The following NRXN1 variants were observed in gnomAD, a reference collection of about 807,000 sequenced individuals.
The protein encoded by NRXN1 is neurexin-1.
A neutral mutation model predicts 150.9 loss-of-function variants in NRXN1; 39 were observed. The observed-to-expected ratio is 0.26, with a 90% confidence interval of 0.20 to 0.34. NRXN1 has a LOEUF of 0.34. Among genes scored for constraint, NRXN1 ranks in the 10% least tolerant of loss-of-function variants. The pLI is 1.00. For synonymous variants in NRXN1, 924 were observed against 757.0 expected, an observed-to-expected ratio of 1.22 and a Z score of -3.62; for missense variants, 1,815 against 1,949.9, an observed-to-expected ratio of 0.93 and a Z score of 1.30.
chr2:50,563,707 T>C (rs1247673595), intron 8 of NRXN1, among the ~76,000 whole-genome samples: 1 of 152,202 alleles, frequency 6.6e-6, no homozygotes, highest in African/African-American at 2.4e-5. Flanking sequence ...GACTGTTTAA[T>C]TTATTGGTTT....
chr2:50,034,149 C>G (rs781646737), intron 21 of NRXN1, among the ~76,000 whole-genome samples: 1 of 152,062 alleles, frequency 6.6e-6, no homozygotes, highest in African/African-American at 2.4e-5. Flanking sequence ...TGAGTATATA[C>G]CCAAAGGAAT....
chr2:50,251,014 T>C (rs1263361399), intron 17 of NRXN1, among the ~76,000 whole-genome samples: 3 of 49,608 alleles, frequency 6.0e-5, no homozygotes, highest in Non-Finnish European at 1.3e-4. Context: ...ATATGTGTAA[T>C]ATTACATATT....
At chr2:50,986,758 C>T (rs764742601) in intron 2 of NRXN1, among the ~76,000 whole-genome samples, 18 of 150,596 alleles carry the variant, frequency 1.2e-4, no homozygotes, top group East Asian at 2.0e-4. Context: ...TCCAAAAAAT[C>T]GAGATAGTGC....
intron 17 of NRXN1, among the ~76,000 whole-genome samples, chr2:50,351,972 C>G (rs1297242155): frequency 6.6e-6 from 1 of 152,098 alleles, no homozygotes; most frequent in Non-Finnish European, 1.5e-5. Flanking sequence ...AGAAGTTGGT[C>G]TTGGTGTTGA....
intron 12 of NRXN1, among the ~76,000 whole-genome samples, chr2:50,526,148 C>A (rs1479004555): frequency 1.3e-5 from 2 of 151,744 alleles, no homozygotes; most frequent in Non-Finnish European, 2.9e-5. Context: ...TAGGAAACAG[C>A]AGCACAATTT....
chr2:50,641,211 T>C (rs924227796), intron 5 of NRXN1, among the ~76,000 whole-genome samples: 2 of 152,172 alleles, frequency 1.3e-5, no homozygotes, highest in African/African-American at 4.8e-5. Flanking sequence ...AAGCCAAATG[T>C]TGACTAAAAG....
intron 12 of NRXN1, among the ~76,000 whole-genome samples, chr2:50,512,077 A>C (rs1412802999): frequency 3.3e-5 from 5 of 152,132 alleles, no homozygotes; most frequent in Non-Finnish European, 7.3e-5. Context: ...ATATAAAAGC[A>C]TATTAAAAAA....
At chr2:50,923,515 C>T (rs1279095159) in intron 3 of NRXN1, 2 of 222,150 alleles carry the variant, frequency 9.0e-6, no homozygotes, top group Non-Finnish European at 1.9e-5. Flanking sequence ...CTTGACAATT[C>T]ACTTCAAACT....
At chr2:50,822,539 C>A (rs1184914100) in intron 5 of NRXN1, among the ~76,000 whole-genome samples, 1 of 152,102 alleles carries the variant, frequency 6.6e-6, no homozygotes, top group Non-Finnish European at 1.5e-5. Context: ...GCCTATAGAT[C>A]CTTTAATGAC....
chr2:50,928,728 G>A (rs572472854), intron 2 of NRXN1, among the ~76,000 whole-genome samples: 1 of 152,106 alleles, frequency 6.6e-6, no homozygotes, highest in East Asian at 1.9e-4. Flanking sequence ...AGCATATTTT[G>A]GTTTAGTGTA....
At chr2:50,768,241 G>T (rs1386656455) in intron 5 of NRXN1, among the ~76,000 whole-genome samples, 2 of 151,970 alleles carry the variant, frequency 1.3e-5, no homozygotes, top group Non-Finnish European at 2.9e-5. Flanking sequence ...GAAGTATGTG[G>T]GATATTTTAA....
chr2:50,573,779 A>G (rs1475922343), intron 8 of NRXN1, among the ~76,000 whole-genome samples: 1 of 151,466 alleles, frequency 6.6e-6, no homozygotes, highest in Non-Finnish European at 1.5e-5. Flanking sequence ...CAATAATAAA[A>G]TGATACAAAT....
chr2:50,661,966 G>A (rs1687366647), intron 5 of NRXN1, among the ~76,000 whole-genome samples: 2 of 151,958 alleles, frequency 1.3e-5, no homozygotes, highest in African/African-American at 4.8e-5. Context: ...CCTCCTATTT[G>A]TTATTTGTAT....
rs558921654 is a variant in NRXN1 at position 49,945,265 on chromosome 2, T to C, written c.4129-1474A>G. The C allele has an allele frequency of 5.9e-5, 9 of 152,280 alleles. No homozygotes were observed. The East Asian group carries it at 1.7e-3, about 29-fold the overall frequency. 9.4% of individuals were successfully genotyped at this position (152,280 alleles called of 1,614,324 possible). On this transcript the variant is annotated intron_variant, in intron 21 of 22. Coordinates refer to ENST00000401669, the MANE Select transcript of NRXN1 (RefSeq NM_001330078.2). Reference sequence around the variant, plus strand: ...TGCCTGGAAGTGTAAGTCTTTTTTTTTAACTGTTGAATTTATTGACAAAGT... The same window carrying C: ...TGCCTGGAAGTGTAAGTCTTTTTTTCTAACTGTTGAATTTATTGACAAAGT...
chr2:50,711,034 C>G (rs758351349), intron 5 of NRXN1, among the ~76,000 whole-genome samples: 5 of 152,100 alleles, frequency 3.3e-5, no homozygotes, highest in Admixed American at 1.3e-4. Flanking sequence ...AACAAGCAAA[C>G]AGAATTAATA....
intron 8 of NRXN1, among the ~76,000 whole-genome samples, chr2:50,609,158 A>G (rs889764942): frequency 6.6e-6 from 1 of 152,132 alleles, no homozygotes; most frequent in African/African-American, 2.4e-5. Context: ...CAATTTTCTC[A>G]CAAAGCTCTT....
At chr2:50,818,998 G>A (rs895576308) in intron 5 of NRXN1, among the ~76,000 whole-genome samples, 4 of 152,074 alleles carry the variant, frequency 2.6e-5, no homozygotes, top group East Asian at 1.9e-4. Flanking sequence ...CACCTGTTAC[G>A]ATGGCCATAA....
chr2:50,977,461 T>C (rs1274669664), intron 2 of NRXN1, among the ~76,000 whole-genome samples: 3 of 151,970 alleles, frequency 2.0e-5, no homozygotes, highest in African/African-American at 7.2e-5. Flanking sequence ...AAAACACAAC[T>C]ACATATACCA....
Position 50,013,273 on chromosome 2 carries a change from C to CTT in NRXN1, c.4128+39996_4128+39997dup, listed in dbSNP as rs3046630. Reference sequence around the variant, plus strand: ...TGTTGAGATATTACTATTAAAGTTTCTTTTTTTTTTTTTGGATACAGCTGT... The same window carrying CTT: ...TGTTGAGATATTACTATTAAAGTTTCTTTTTTTTTTTTTTTGGATACAGCTGT... On this transcript the variant is annotated intron_variant, in intron 21 of 22. Transcript: ENST00000401669. Among the ~76,000 whole-genome samples, 14 of 136,140 alleles carry CTT rather than the reference C, an allele frequency of 1.0e-4. 3 individuals are homozygous for CTT. Among genetic ancestry groups the CTT allele is most frequent in the East Asian group, 2.2e-4 (1 of 4,618 alleles). The allele number at this position is 136,140 out of a possible 152,430, so 89.3% of individuals were successfully genotyped here. A position where few individuals can be genotyped will look rare whatever the true frequency, so the allele number is the denominator to read the frequency against.
Sources: gnomAD v4.1 joint callset for allele counts (sites outside exome capture counted in the v4.1 genomes callset) on GRCh38, gnomAD v4.1.1 for gene constraint, MANE v1.5 for transcripts, NCBI Gene and HGNC (gene_info 2026-07-23, HGNC 2026-07-21) for gene names.